The following STARD9 variants were observed in gnomAD, a reference collection of about 807,000 sequenced individuals.
STARD9 encodes the protein stAR-related lipid transfer protein 9.
STARD9 carries 346 observed loss-of-function variants against 399.8 expected under a neutral mutation model. The observed-to-expected ratio is 0.87, with a 90% confidence interval of 0.79 to 0.95. The LOEUF is 0.95. Ranked by LOEUF, STARD9 falls within the 40% of genes least tolerant of loss-of-function variation. The pLI is 0.00. For synonymous variants in STARD9, 2,203 were observed against 2,143.5 expected (o/e 1.03, Z -0.77); for missense variants, 5,832 against 5,667.5 (o/e 1.03, Z -0.93).
chr15:42,663,266 T>C lies in STARD9; in HGVS notation c.869-15T>C, dbSNP rs1317660165. 4.0e-6 allele frequency: 6 copies of C among 1,516,470 alleles called. No individual in the cohort carries two copies. Among genetic ancestry groups the C allele is most frequent in the Non-Finnish European group, 5.3e-6 (6 of 1,134,686 alleles). 93.9% of individuals were successfully genotyped at this position (1,516,470 alleles called of 1,614,324 possible). A position where few individuals can be genotyped will look rare whatever the true frequency, so the allele number is the denominator to read the frequency against. ...AATTCCTTCTTTCTTCCATTTTCTT[T>C]TTTCATCTTTTAAGCCCAGAACTCC... On this transcript the variant is annotated splice_polypyrimidine_tract_variant and intron_variant, in intron 11 of 32. Coordinates refer to ENST00000290607, the MANE Select transcript of STARD9 (RefSeq NM_020759.3).
Position 42,674,926 on chromosome 15 carries a change from A to C in STARD9, c.1649A>C (p.Asn550Thr). 1 of 1,536,856 alleles carries C rather than the reference A, an allele frequency of 6.5e-7. No homozygotes were observed. Among genetic ancestry groups the C allele is most frequent in the South Asian group, 1.2e-5 (1 of 83,988 alleles). ...RPARGARCTV[N>T]GREVTASCRL... is the part of the protein sequence containing the mutation. The stretch of plus-strand genomic sequence containing the variant: ...GCCCGTGGGGCCCGCTGTACAGTCA[A>C]TGGCCGGGAGGTCACTGCCTCCTGC... The change falls in exon 18 of 33, where the codon AAT (asparagine) becomes ACT (threonine). Residue 550 changes from asparagine to threonine, a missense_variant. Physicochemically the swap from Asn to Thr is moderately conservative, Grantham distance 65. This residue lies in a region of STARD9 where 5,828 missense variants were observed against 5,651.1 expected (regional missense o/e 1.03). Transcript: ENST00000290607.
At position 42,701,992 on chromosome 15, in the gene STARD9, C is replaced by CAAA. The variant is rs57444195; in HGVS notation, c.13284+6134_13284+6136dup. 2.9e-3 allele frequency among the ~76,000 whole-genome samples: 131 copies of CAAA among 44,828 alleles called. 4 individuals are homozygous for CAAA. The highest frequency in any genetic ancestry group is 3.9e-3 in the African/African-American group (64 of 16,556). 29.4% of individuals were successfully genotyped at this position (44,828 alleles called of 152,430 possible). A position where few individuals can be genotyped will look rare whatever the true frequency, so the allele number is the denominator to read the frequency against. The stretch of plus-strand genomic sequence containing the variant: ...CAGGTGACAGTGTGAGACTCTGACT[C>CAAA]AAAAAAAAAAAAAAAAAAAAAAAAG... On this transcript the variant is annotated intron_variant, in intron 26 of 32. Transcript: ENST00000290607.
At chr15:42,609,060 C>T (rs576855188) in intron 3 of STARD9, among the ~76,000 whole-genome samples, 5 of 152,062 alleles carry the variant, frequency 3.3e-5, no homozygotes, top group East Asian at 3.9e-4. Context: ...ATGACAGTTC[C>T]GGGCATCCCT....
At chr15:42,659,909 A>G (rs2059960362) in intron 9 of STARD9, among the ~76,000 whole-genome samples, 1 of 152,192 alleles carries the variant, frequency 6.6e-6, no homozygotes, top group Non-Finnish European at 1.5e-5. Flanking sequence ...CCACAGAAAG[A>G]TGTGCACAAA....
Position 42,719,528 on chromosome 15 carries a change from G to C in STARD9, c.14057G>C (p.Arg4686Pro). 1 of 1,537,154 alleles carries C rather than the reference G, an allele frequency of 6.5e-7. No individual in the cohort carries two copies. Among genetic ancestry groups the C allele is most frequent in the African/African-American group, 1.4e-5 (1 of 73,138 alleles). ...CAGCTCCTGAGCTCTTTCATCAAACGGCAGCCACTGGTTATAGCCAGACTG... is the reference window on the plus strand; with the variant it reads ...CAGCTCCTGAGCTCTTTCATCAAACCGCAGCCACTGGTTATAGCCAGACTG... Reference protein sequence around the residue: ...PPQLLSSFIKRQPLVIARLAS... With the variant: ...PPQLLSSFIKPQPLVIARLAS... The change falls in exon 33 of 33, where the codon CGG (arginine) becomes CCG (proline). Residue 4686 changes from arginine to proline, a missense_variant. Arg to Pro is a moderately radical substitution (Grantham distance 103). Coordinates refer to ENST00000290607, the MANE Select transcript of STARD9 (RefSeq NM_020759.3).
At chr15:42,663,104 C>T (rs760453858) in intron 11 of STARD9, 177 bp from the exon 12 acceptor site, 2 of 737,652 alleles carry the variant, frequency 2.7e-6, no homozygotes, top group Non-Finnish European at 4.3e-6. Flanking sequence ...AATTATGTGA[C>T]TCAAACATTC....
At chr15:42,579,949 T>G (rs1455498369) in intron 1 of STARD9, among the ~76,000 whole-genome samples, 1 of 152,130 alleles carries the variant, frequency 6.6e-6, no homozygotes, top group Admixed American at 6.6e-5. Context: ...TATTACTTGG[T>G]GTGGACCTGC....
chr15:42,686,555 C>T lies in STARD9; in HGVS notation c.4977C>T (p.Val1659=), dbSNP rs1595771952. The T allele has an allele frequency of 6.5e-7, 1 of 1,537,508 alleles. No homozygotes were observed. The highest frequency in any genetic ancestry group is 2.0e-5 in the Admixed American group (1 of 51,000). The change falls in exon 23 of 33, where the codon GTC becomes GTT. Residue 1659 remains valine, a synonymous_variant. Transcript: ENST00000290607. ...FFQKNACHSN[V]TTATKADHWS... is the part of the protein sequence containing the mutation. ...AGAAGAACGCTTGTCACAGTAATGT[C>T]ACTACAGCCACCAAAGCAGACCATT...
chr15:42,675,873 T>A lies in STARD9; in HGVS notation c.1772T>A (p.Val591Asp), dbSNP rs1413656689. ...EAAVLRQRRQ[V>D]GEAAAGRGSL... The stretch of plus-strand genomic sequence containing the variant: ...ACTGTGCTTTCTTCCTTGTTCAAGG[T>A]TGGAGAGGCTGCTGCTGGTCGTGGC... The change falls in exon 20 of 33, where the codon GTT becomes GAT. Residue 591 changes from valine (V) to aspartate (D), a missense_variant and splice_region_variant. By Grantham distance (152) the Val-to-Asp change is radical. This residue lies in a region of STARD9 where 5,828 missense variants were observed against 5,651.1 expected (regional missense o/e 1.03). Transcript: ENST00000290607. The A allele has an allele frequency of 1.3e-6, 2 of 1,537,214 alleles. No homozygotes were observed. Among genetic ancestry groups the A allele is most frequent in the East Asian group, 2.4e-5 (1 of 40,912 alleles).
In STARD9 at chr15:42,718,425, G is replaced by C. The variant is rs1299401093; in HGVS notation, c.13763-10G>C. 1.3e-6 allele frequency: 2 copies of C among 1,535,822 alleles called. No homozygotes were observed. Among genetic ancestry groups the C allele is most frequent in the African/African-American group, 2.7e-5 (2 of 73,024 alleles). ...GGGCCTCCTGACCTTCCTTATCCCT[G>C]TCCCTCCAGTGTACTTGGTGTGCAA... is the stretch of plus-strand genomic sequence containing the variant. On this transcript the variant is annotated splice_polypyrimidine_tract_variant and intron_variant, in intron 30 of 32. Coordinates refer to ENST00000290607, the MANE Select transcript of STARD9 (RefSeq NM_020759.3).
At chr15:42,624,499 A>T (rs1436465379) in intron 3 of STARD9, among the ~76,000 whole-genome samples, 1 of 144,712 alleles carries the variant, frequency 6.9e-6, no homozygotes, top group Non-Finnish European at 1.5e-5. Context: ...AATGTTAAGA[A>T]TGTATTATCT....
At chr15:42,649,334 A>G (rs1234273627) in intron 7 of STARD9, among the ~76,000 whole-genome samples, 1 of 152,032 alleles carries the variant, frequency 6.6e-6, no homozygotes, top group Admixed American at 6.6e-5. Flanking sequence ...GGCTCCCTCC[A>G]TATTTTTAAT....
chr15:42,695,397 C>G, intron 25 of STARD9, 74 bp downstream of exon 25: 1 of 1,363,786 alleles, frequency 7.3e-7, no homozygotes, highest in Non-Finnish European at 9.8e-7. Flanking sequence ...CCGTGGCCGC[C>G]TCTGAGTCTT....
chr15:42,635,702 T>C (rs2059406424), intron 4 of STARD9, among the ~76,000 whole-genome samples: 1 of 152,194 alleles, frequency 6.6e-6, no homozygotes, highest in Non-Finnish European at 1.5e-5. Context: ...TTCTTGTCAG[T>C]CCTGCTGAAT....
At chr15:42,718,950 A>G in intron 32 of STARD9, 40 bp downstream of exon 32, 1 of 1,520,090 alleles carries the variant, frequency 6.6e-7, no homozygotes, top group African/African-American at 1.4e-5. Context: ...GCACAGGCTG[A>G]CTTGGTCCCA....
intron 3 of STARD9, among the ~76,000 whole-genome samples, chr15:42,623,113 G>A (rs1451187457): frequency 6.6e-6 from 1 of 152,182 alleles, no homozygotes; most frequent in Non-Finnish European, 1.5e-5. Context: ...TTAGCTGGGT[G>A]TGGTGGTGCA....
In STARD9 at chr15:42,694,176, C is replaced by A; in HGVS notation, c.12598C>A (p.Gln4200Lys). 6.5e-7 allele frequency: 1 copy of A among 1,535,118 alleles called. No individual in the cohort carries two copies. The highest frequency in any genetic ancestry group is 8.7e-7 in the Non-Finnish European group (1 of 1,145,990). Residue 4200 changes from glutamine to lysine, a missense_variant, in exon 23 of 33, where the codon CAA (glutamine) becomes AAA (lysine). Around this residue, in one of 2 missense-constraint regions of STARD9, gnomAD observed 5,828 missense variants for 5,651.1 expected, o/e 1.03. Coordinates refer to ENST00000290607, the MANE Select transcript of STARD9 (RefSeq NM_020759.3). The part of the protein sequence containing the change: ...EWSKREQIPL[Q>K]VGAQNLSLSV... ...GTCCAAGAGGGAGCAGATCCCCCTG[C>A]AAGTTGGGGCCCAGAACCTCTCACT...
At chr15:42,585,688 A>G (rs1322650473) in intron 3 of STARD9, 51 bp downstream of exon 3, 3 of 1,125,986 alleles carry the variant, frequency 2.7e-6, no homozygotes, top group African/African-American at 3.1e-5. Context: ...TTTATGTATA[A>G]TATTTAAGAT....
intron 24 of STARD9, 107 bp from the exon 25 acceptor site, chr15:42,695,033 G>A: frequency 1.1e-6 from 1 of 949,032 alleles, no homozygotes; most frequent in Non-Finnish European, 1.5e-6. Context: ...TGGGCAAATG[G>A]AGGTTGGGTC....
Sources: gnomAD v4.1 joint callset for allele counts (sites outside exome capture counted in the v4.1 genomes callset) on GRCh38, gnomAD v4.1.1 for gene constraint, gnomAD v4.1.1 regional missense constraint, MANE v1.5 for transcripts, NCBI Gene and HGNC (gene_info 2026-07-23, HGNC 2026-07-21) for gene names.